ZFHX3: variants seen among roughly 807,000 people sequenced by gnomAD.
ZFHX3 encodes zinc finger homeobox protein 3.
Under a neutral mutation model 279.1 loss-of-function variants are expected in ZFHX3, and 42 were observed. The ratio of observed to expected loss-of-function variants is 0.15; its 90% CI spans 0.12 to 0.19. The LOEUF (loss-of-function observed/expected upper bound fraction) is 0.19, where lower values mean the gene tolerates loss of function less well. Ranked by LOEUF, ZFHX3 falls within the 10% of genes least tolerant of loss-of-function variation. The pLI, the probability that ZFHX3 is intolerant of heterozygous loss-of-function variation, is 1.00. For synonymous variants in ZFHX3, 2,293 were observed against 1,957.8 expected, an observed-to-expected ratio of 1.17 and a Z score of -4.52; for missense variants, 4,981 against 4,754.0, an observed-to-expected ratio of 1.05 and a Z score of -1.40.
rs1384534416 is a variant in ZFHX3 at position 72,786,565 on chromosome 16, C to CA, written c.*598dup. ...TCTGCCCATTTTTAAGTTAACAAAACAAAAAATCTTTTCTGGAACAAAAAA... is the reference window on the plus strand; with the variant it reads ...TCTGCCCATTTTTAAGTTAACAAAACAAAAAAATCTTTTCTGGAACAAAAAA... On this transcript the variant is annotated 3_prime_UTR_variant, in exon 10 of 10. Coordinates refer to ENST00000268489, the MANE Select transcript of ZFHX3 (RefSeq NM_006885.4). 3 of 53,902 alleles carry CA rather than the reference C, an allele frequency of 5.6e-5. No homozygotes were observed. Among genetic ancestry groups the CA allele is most frequent in the Non-Finnish European group, 1.2e-4 (3 of 25,072 alleles). 3.3% of individuals were successfully genotyped at this position (53,902 alleles called of 1,614,324 possible).
chr16:73,322,503 A>G (rs532352741), intron 3 of ZFHX3, among the ~76,000 whole-genome samples: 1 of 152,346 alleles, frequency 6.6e-6, no homozygotes, highest in African/African-American at 2.4e-5. Context: ...GTGTTGCAGT[A>G]CAAATGCAGG....
At chr16:73,656,364 T>A (rs2052721097) in intron 2 of ZFHX3, among the ~76,000 whole-genome samples, 1 of 152,250 alleles carries the variant, frequency 6.6e-6, no homozygotes. Context: ...TTATTTCATT[T>A]GCATTAAGAA....
chr16:73,152,801 A>T, intron 5 of ZFHX3, among the ~76,000 whole-genome samples: 1 of 76,264 alleles, frequency 1.3e-5, no homozygotes, highest in Non-Finnish European at 2.5e-5. Context: ...TACCGGGGTG[A>T]GGAGGGGAGA....
chr16:73,572,058 C>T (rs963710238), intron 2 of ZFHX3, among the ~76,000 whole-genome samples: 20 of 151,926 alleles, frequency 1.3e-4, no homozygotes, highest in Admixed American at 1.2e-3. Flanking sequence ...TTAACACAAG[C>T]CTCTCTTAAC....
intron 1 of ZFHX3, among the ~76,000 whole-genome samples, chr16:73,737,885 T>A (rs1314871782): frequency 6.6e-6 from 1 of 152,160 alleles, no homozygotes; most frequent in African/African-American, 2.4e-5. Context: ...GACAATTTTA[T>A]CAGTCAGGCT....
At chr16:73,137,835 T>A (rs979532237) in intron 6 of ZFHX3, among the ~76,000 whole-genome samples, 2 of 152,152 alleles carry the variant, frequency 1.3e-5, no homozygotes, top group Non-Finnish European at 2.9e-5. Flanking sequence ...AATGCTTTTG[T>A]TTTGTTTTGC....
intron 3 of ZFHX3, among the ~76,000 whole-genome samples, chr16:72,923,883 G>A (rs749725777): frequency 1.3e-5 from 2 of 152,150 alleles, no homozygotes; most frequent in Non-Finnish European, 2.9e-5. Context: ...TTCAAGACGC[G>A]GCTACTGGGC....
At chr16:72,950,417 C>G in intron 3 of ZFHX3, 52 bp downstream of exon 3, 6 of 1,586,240 alleles carry the variant, frequency 3.8e-6, no homozygotes, top group Non-Finnish European at 3.4e-6. Context: ...CCCCGGTGCG[C>G]AACCCCCTCC....
chr16:73,008,699 A>G (rs1963803450), intron 1 of ZFHX3, among the ~76,000 whole-genome samples: 1 of 152,204 alleles, frequency 6.6e-6, no homozygotes, highest in African/African-American at 2.4e-5. Flanking sequence ...TAAATGGAAT[A>G]AAACCATCCC....
chr16:72,995,630 A>G (rs575237017), intron 1 of ZFHX3, among the ~76,000 whole-genome samples: 90 of 152,264 alleles, frequency 5.9e-4, no homozygotes, highest in African/African-American at 2.2e-3. Flanking sequence ...GCTCCTGCAG[A>G]GGCTTAAGCC....
At chr16:73,313,515 A>G (rs1339957069) in intron 4 of ZFHX3, among the ~76,000 whole-genome samples, 3 of 152,186 alleles carry the variant, frequency 2.0e-5, no homozygotes, top group Non-Finnish European at 4.4e-5. Flanking sequence ...TATTGTCCCT[A>G]TTTCATAGAT....
intron 1 of ZFHX3, among the ~76,000 whole-genome samples, chr16:73,853,421 A>G (rs1597144533): frequency 6.6e-6 from 1 of 152,224 alleles, no homozygotes; most frequent in South Asian, 2.1e-4. Flanking sequence ...CTACGTGTTC[A>G]TCAACCTAAG....
At chr16:73,796,177 G>GA (rs1418865645) in intron 1 of ZFHX3, among the ~76,000 whole-genome samples, 10 of 152,066 alleles carry the variant, frequency 6.6e-5, no homozygotes, top group Admixed American at 4.6e-4. Context: ...CATGCTCAGA[G>GA]AAAAAATAGT....
intron 2 of ZFHX3, among the ~76,000 whole-genome samples, chr16:73,483,708 A>T (rs1458603883): frequency 6.6e-6 from 1 of 152,130 alleles, no homozygotes; most frequent in East Asian, 1.9e-4. Context: ...ATAGTATGCA[A>T]ATATCGACAA....
At chr16:73,682,862 G>C (rs1345505736) in intron 1 of ZFHX3, among the ~76,000 whole-genome samples, 1 of 27,314 alleles carries the variant, frequency 3.7e-5, no homozygotes, top group Non-Finnish European at 7.6e-5. Flanking sequence ...GAGAAAGAAA[G>C]AAAGAAAGAA....
At chr16:73,003,439 G>A (rs1029171647) in intron 1 of ZFHX3, among the ~76,000 whole-genome samples, 3 of 151,784 alleles carry the variant, frequency 2.0e-5, no homozygotes, top group African/African-American at 4.8e-5. Context: ...TATAATCCCA[G>A]CACTTTGGGA....
chr16:73,331,387 T>C (rs1468568444), intron 3 of ZFHX3, among the ~76,000 whole-genome samples: 1 of 152,050 alleles, frequency 6.6e-6, no homozygotes, highest in East Asian at 1.9e-4. Context: ...ATCCTGAGAG[T>C]AGAAAATGTC....
chr16:72,842,582 G>C (rs1482441766), intron 4 of ZFHX3, among the ~76,000 whole-genome samples: 3 of 152,208 alleles, frequency 2.0e-5, no homozygotes, highest in Non-Finnish European at 4.4e-5. Flanking sequence ...TGATTAGAAA[G>C]AATAAAGTAA....
At chr16:73,267,412 T>C (rs190869565) in intron 4 of ZFHX3, among the ~76,000 whole-genome samples, 11 of 152,234 alleles carry the variant, frequency 7.2e-5, no homozygotes, top group Admixed American at 7.2e-4. Context: ...CCGACTCGGT[T>C]TGAAGAAGTG....
Sources: allele counts gnomAD v4.1 joint callset (sites outside exome capture counted in the v4.1 genomes callset), GRCh38; gene constraint gnomAD v4.1.1; transcripts MANE v1.5; gene names NCBI Gene and HGNC (gene_info 2026-07-23, HGNC 2026-07-21).